STPG2: variants seen among roughly 807,000 people sequenced by gnomAD.
STPG2 encodes sperm tail PG-rich repeat containing 2, also known as sperm-tail PG-rich repeat-containing protein 2.
In STPG2, 56 loss-of-function variants were observed where a neutral mutation model predicts 54.2. The observed-to-expected ratio is 1.03, with a 90% confidence interval of 0.83 to 1.29. The LOEUF is 1.29. Ranked by LOEUF, STPG2 falls within the 50% of genes most tolerant of loss-of-function variation. STPG2 has a pLI of 0.00. For missense variants in STPG2, 596 were observed against 544.9 expected, an observed-to-expected ratio of 1.09 and a Z score of -0.93; for synonymous variants, 200 against 181.8, an observed-to-expected ratio of 1.10 and a Z score of -0.81.
chr4:97,680,012 C>T (rs1272842561), intron 10 of STPG2, among the ~76,000 whole-genome samples: 1 of 152,066 alleles, frequency 6.6e-6, no homozygotes, highest in Non-Finnish European at 1.5e-5. Context: ...CAGTGCCATG[C>T]TGTTTTGGTT....
chr4:97,775,429 AAAAT>A (rs745319022), intron 9 of STPG2, among the ~76,000 whole-genome samples: 141 of 152,160 alleles, frequency 9.3e-4, no homozygotes, highest in Non-Finnish European at 1.4e-3. Flanking sequence ...AAAAAATGCA[AAAAT>A]AAATAAATAA....
intron 10 of STPG2, among the ~76,000 whole-genome samples, chr4:97,707,320 G>C (rs1723977246): frequency 6.6e-6 from 1 of 152,084 alleles, no homozygotes; most frequent in Non-Finnish European, 1.5e-5. Context: ...AGAAGTCCAA[G>C]ACCAGCCTGG....
intron 4 of STPG2, among the ~76,000 whole-genome samples, chr4:97,532,219 T>C (rs1039028754): frequency 7.9e-5 from 12 of 152,126 alleles, no homozygotes; most frequent in Admixed American, 1.3e-4. Context: ...TATAGAAATA[T>C]ATTTAGTGAT....
At chr4:97,698,947 T>C (rs1249792935) in intron 10 of STPG2, among the ~76,000 whole-genome samples, 1 of 152,154 alleles carries the variant, frequency 6.6e-6, no homozygotes, top group African/African-American at 2.4e-5. Flanking sequence ...TGACAGTGGA[T>C]AAGGCATTCT....
At chr4:97,613,475 CGTGTGTGTGTGT>C (rs70953075) in intron 10 of STPG2, among the ~76,000 whole-genome samples, 192 of 142,340 alleles carry the variant, frequency 1.3e-3, no homozygotes, top group Middle Eastern at 3.5e-3. Flanking sequence ...AGTCATCACC[CGTGTGTGTGTGT>C]GTGTGTGTGT....
intron 2 of STPG2, 114 bp from the exon 3 acceptor site, chr4:98,128,706 A>G: frequency 1.2e-6 from 1 of 861,642 alleles, no homozygotes; most frequent in Non-Finnish European, 1.7e-6. Flanking sequence ...AATGAGTTTC[A>G]TGATATAAAA....
intron 9 of STPG2, among the ~76,000 whole-genome samples, chr4:97,806,027 G>A (rs1245449428): frequency 1.3e-5 from 2 of 152,102 alleles, no homozygotes; most frequent in South Asian, 2.1e-4. Context: ...AAAATAAATT[G>A]TTCTACCGAA....
chr4:97,566,699 G>C (rs1328461283), intron 10 of STPG2, among the ~76,000 whole-genome samples: 1 of 152,018 alleles, frequency 6.6e-6, no homozygotes, highest in Non-Finnish European at 1.5e-5. Flanking sequence ...ATACTATGCA[G>C]CCATAAAAAA....
At chr4:97,825,818 G>C (rs1578597307) in intron 9 of STPG2, among the ~76,000 whole-genome samples, 1 of 152,088 alleles carries the variant, frequency 6.6e-6, no homozygotes, top group African/African-American at 2.4e-5. Flanking sequence ...AAAGTGTAAT[G>C]CCTTTTACTT....
At chr4:97,919,574 G>C (rs563414088) in intron 8 of STPG2, among the ~76,000 whole-genome samples, 4 of 152,054 alleles carry the variant, frequency 2.6e-5, no homozygotes, top group Non-Finnish European at 5.9e-5. Context: ...TTGGCAATTT[G>C]AAAAATGGAT....
chr4:97,657,872 G>A (rs1722258731), intron 10 of STPG2, among the ~76,000 whole-genome samples: 1 of 152,182 alleles, frequency 6.6e-6, no homozygotes, highest in Non-Finnish European at 1.5e-5. Context: ...CCTCATCCAT[G>A]AACACGTCTA....
chr4:97,461,202 G>A (rs986396091), intron 4 of STPG2, among the ~76,000 whole-genome samples: 2 of 152,096 alleles, frequency 1.3e-5, no homozygotes, highest in Non-Finnish European at 2.9e-5. Context: ...AAGCATATGA[G>A]AGTTTCATTT....
rs150277390 is a variant in STPG2 at position 97,585,738 on chromosome 4, C to A, written c.1321-26621G>T. On this transcript the variant is annotated intron_variant, in intron 10 of 10. Transcript: ENST00000295268. ...GAAACAGAAGGCACAAGTAGGATAT[C>A]CAGTGATACCAGATAAACCAAAAAG... Among the ~76,000 whole-genome samples the A allele has an allele frequency of 3.4e-4, 52 of 151,952 alleles. No individual in the cohort carries two copies. The East Asian group carries it at 9.9e-3, about 29-fold the overall frequency.
chr4:97,506,714 A>G (rs1730852542), intron 4 of STPG2, among the ~76,000 whole-genome samples: 1 of 151,998 alleles, frequency 6.6e-6, no homozygotes, highest in Admixed American at 6.6e-5. Context: ...CTGTTATATT[A>G]GACTCCAGTA....
intron 1 of STPG2, 150 bp from the exon 2 acceptor site, chr4:98,134,609 T>A (rs895467828): frequency 4.1e-5 from 14 of 341,930 alleles, no homozygotes; most frequent in African/African-American, 1.3e-4. Flanking sequence ...TTACATTTTT[T>A]AAAATCTGAT....
At position 97,635,792 on chromosome 4, in the gene STPG2, T is replaced by C. The variant is rs575606676; in HGVS notation, c.1321-76675A>G. 5.3e-5 allele frequency among the ~76,000 whole-genome samples: 8 copies of C among 152,098 alleles called. No individual in the cohort carries two copies. In the East Asian group the frequency reaches 1.5e-3, roughly 29 times the overall value. On this transcript the variant is annotated intron_variant, in intron 10 of 10. Transcript: ENST00000295268. ...GATCAATTCAACAAGAAGAGCTAAC[T>C]ATCCTAAATATATATGCACCCAATA... is the stretch of plus-strand genomic sequence containing the variant.
intron 10 of STPG2, among the ~76,000 whole-genome samples, chr4:97,647,050 A>G (rs1721932455): frequency 6.6e-6 from 1 of 152,166 alleles, no homozygotes; most frequent in Non-Finnish European, 1.5e-5. Flanking sequence ...TTTCTAGTCC[A>G]AGTCTGAGTT....
intron 4 of STPG2, among the ~76,000 whole-genome samples, chr4:97,497,926 C>T (rs890527236): frequency 2.0e-5 from 3 of 151,774 alleles, no homozygotes; most frequent in Non-Finnish European, 4.4e-5. Context: ...ATATAACTTA[C>T]TAAGGCTGAG....
At chr4:98,013,140 A>G (rs1735812214) in intron 5 of STPG2, among the ~76,000 whole-genome samples, 1 of 152,194 alleles carries the variant, frequency 6.6e-6, no homozygotes, top group Admixed American at 6.5e-5. Context: ...TACCTAGTTT[A>G]TTGAGAGTTT....
Sources: allele counts gnomAD v4.1 joint callset (sites outside exome capture counted in the v4.1 genomes callset), GRCh38; gene constraint gnomAD v4.1.1; transcripts MANE v1.5; gene names NCBI Gene and HGNC (gene_info 2026-07-23, HGNC 2026-07-21).